SP3: variants seen among roughly 807,000 people sequenced by gnomAD.
SP3 encodes the protein transcription factor Sp3.
In SP3, 10 loss-of-function variants were observed where a neutral mutation model predicts 70.3. The ratio of observed to expected loss-of-function variants is 0.14; its 90% CI spans 0.09 to 0.24. The LOEUF (loss-of-function observed/expected upper bound fraction) is 0.24, where lower values mean the gene tolerates loss of function less well. Ranked by LOEUF, SP3 falls within the 10% of genes least tolerant of loss-of-function variation. The pLI is 1.00. For missense variants in SP3, 825 were observed against 914.6 expected, an observed-to-expected ratio of 0.90 and a Z score of 1.26; for synonymous variants, 402 against 333.5, an observed-to-expected ratio of 1.21 and a Z score of -2.24.
intron 4 of SP3, among the ~76,000 whole-genome samples, chr2:173,943,610 C>T (rs1038803618): frequency 6.6e-6 from 1 of 152,160 alleles, no homozygotes; most frequent in Admixed American, 6.6e-5. Context: ...GAATTAAAGG[C>T]ATGAACCACT....
At chr2:173,949,727 A>T (rs1690660637) in intron 4 of SP3, among the ~76,000 whole-genome samples, 1 of 152,200 alleles carries the variant, frequency 6.6e-6, no homozygotes, top group Non-Finnish European at 1.5e-5. Context: ...CTACCAGTTA[A>T]CCTGCAACTA....
intron 4 of SP3, among the ~76,000 whole-genome samples, chr2:173,946,427 T>C (rs1480141943): frequency 6.6e-6 from 1 of 152,092 alleles, no homozygotes; most frequent in African/African-American, 2.4e-5. Context: ...TAAAGGCATG[T>C]ACCACCACAC....
Position 173,906,677 on chromosome 2 carries a change from A to C in SP3, c.*3264T>G, listed in dbSNP as rs748237981. 1 of 152,228 alleles carries C rather than the reference A, an allele frequency of 6.6e-6. No individual in the cohort carries two copies. The highest frequency in any genetic ancestry group is 2.4e-5 in the African/African-American group (1 of 41,462). The allele number at this position is 152,228 out of a possible 1,614,324, so 9.4% of individuals were successfully genotyped here. On this transcript the variant is annotated 3_prime_UTR_variant, in exon 7 of 7. Coordinates refer to ENST00000310015, the MANE Select transcript of SP3 (RefSeq NM_003111.5). ...CACAATACAAATTTTTCATAAAACA[A>C]AACTTTTGGGTCTGAGTAGGCAGTA... is the stretch of plus-strand genomic sequence containing the variant.
intron 4 of SP3, among the ~76,000 whole-genome samples, chr2:173,936,608 A>C (rs1690217664): frequency 6.6e-6 from 1 of 152,190 alleles, no homozygotes; most frequent in African/African-American, 2.4e-5. Flanking sequence ...AACCCAATGA[A>C]ATACTAATCA....
In SP3 at chr2:173,964,753, C is replaced by A; in HGVS notation, c.8-200G>T. Reference sequence around the variant, plus strand: ...TGCCCCCGCCCGCCGCTGCCTGTAACCCTCCTCCTCCTCCTCTTTCCCTCC... The same window carrying A: ...TGCCCCCGCCCGCCGCTGCCTGTAAACCTCCTCCTCCTCCTCTTTCCCTCC... On this transcript the variant is annotated intron_variant, in intron 1 of 6. Transcript: ENST00000310015. 2 of 425,212 alleles carry A rather than the reference C, an allele frequency of 4.7e-6. 1 individual carries two copies. The highest frequency in any genetic ancestry group is 8.2e-6 in the Non-Finnish European group (2 of 243,476). 26.3% of individuals were successfully genotyped at this position (425,212 alleles called of 1,614,324 possible). A position where few individuals can be genotyped will look rare whatever the true frequency, so the allele number is the denominator to read the frequency against.
intron 6 of SP3, among the ~76,000 whole-genome samples, chr2:173,911,201 A>C (rs907916802): frequency 2.0e-5 from 3 of 152,158 alleles, no homozygotes; most frequent in Non-Finnish European, 4.4e-5. Context: ...ATTTTATTAC[A>C]TCAGAAAACT....
intron 4 of SP3, among the ~76,000 whole-genome samples, chr2:173,930,609 T>A (rs1559097134): frequency 6.6e-6 from 1 of 152,228 alleles, no homozygotes; most frequent in Non-Finnish European, 1.5e-5. Flanking sequence ...CCCAAAAGCT[T>A]CAAATGCATT....
At chr2:173,947,320 C>T (rs903540777) in intron 4 of SP3, among the ~76,000 whole-genome samples, 1 of 152,130 alleles carries the variant, frequency 6.6e-6, no homozygotes, top group Non-Finnish European at 1.5e-5. Flanking sequence ...CGTTCATTAT[C>T]TCTGTGTGGT....
At chr2:173,933,510 T>C (rs932472616) in intron 4 of SP3, among the ~76,000 whole-genome samples, 2 of 151,660 alleles carry the variant, frequency 1.3e-5, no homozygotes, top group Admixed American at 1.3e-4. Flanking sequence ...TCAATGTTAA[T>C]GGATCAATCA....
upstream of SP3, chr2:173,965,450 C>T (rs1416011663): frequency 1.9e-5 from 8 of 422,644 alleles, no homozygotes; most frequent in Non-Finnish European, 3.4e-5. Flanking sequence ...CTCATTGGTC[C>T]AGGCGCCTGT....
intron 4 of SP3, among the ~76,000 whole-genome samples, chr2:173,922,557 G>C (rs1382541620): frequency 6.6e-6 from 1 of 151,828 alleles, no homozygotes; most frequent in African/African-American, 2.4e-5. Flanking sequence ...ATGTAGACAG[G>C]AGGAAACCCT....
intron 4 of SP3, among the ~76,000 whole-genome samples, chr2:173,926,783 T>A (rs769270218): frequency 6.6e-6 from 1 of 152,190 alleles, no homozygotes; most frequent in African/African-American, 2.4e-5. Context: ...TTAAATTGAA[T>A]GGCTTGAAGT....
At chr2:173,963,503 TCCTCTACCC>T (rs1463582075) in intron 3 of SP3, 1 of 153,910 alleles carries the variant, frequency 6.5e-6, no homozygotes. Flanking sequence ...CATTTTGGAG[TCCTCTACCC>T]CCGCCCTCTC....
Position 173,909,048 on chromosome 2 carries a change from G to A in SP3, c.*893C>T, listed in dbSNP as rs1689404621. The A allele has an allele frequency of 6.6e-6, 1 of 152,418 alleles. No homozygotes were observed. The highest frequency in any genetic ancestry group is 1.5e-5 in the Non-Finnish European group (1 of 67,924). 9.4% of individuals were successfully genotyped at this position (152,418 alleles called of 1,614,324 possible). On this transcript the variant is annotated 3_prime_UTR_variant, in exon 7 of 7. Coordinates refer to ENST00000310015, the MANE Select transcript of SP3 (RefSeq NM_003111.5). ...GTTACACTTTACTGGTAATTTACAT[G>A]ATGGCTTTTAAGGCCCTGGGAGACA...
Position 173,956,095 on chromosome 2 carries a change from A to G in SP3, c.417T>C (p.Tyr139=), listed in dbSNP as rs1234294949. ...IPSAATSSGQ[Y]VLPLQNLQNQ... ...TCTGCAAATTCTGAAGGGGAAGAACATACTGCCCACTTGAAGTAGCAGCAC... is the reference window on the plus strand; with the variant it reads ...TCTGCAAATTCTGAAGGGGAAGAACGTACTGCCCACTTGAAGTAGCAGCAC... The change falls in exon 4 of 7, where the codon TAT becomes TAC. Residue 139 remains tyrosine (Y), a synonymous_variant. Coordinates refer to ENST00000310015, the MANE Select transcript of SP3 (RefSeq NM_003111.5). 1.2e-6 allele frequency: 2 copies of G among 1,614,186 alleles called. No individual in the cohort carries two copies. Among genetic ancestry groups the G allele is most frequent in the East Asian group, 2.2e-5 (1 of 44,888 alleles).
At chr2:173,948,449 C>T (rs1690609921) in intron 4 of SP3, among the ~76,000 whole-genome samples, 1 of 152,058 alleles carries the variant, frequency 6.6e-6, no homozygotes, top group Non-Finnish European at 1.5e-5. Flanking sequence ...ATAGTAAAAA[C>T]CATAGTGTAT....
intron 5 of SP3, 176 bp from the exon 6 acceptor site, chr2:173,913,442 A>G (rs1345480132): frequency 4.6e-6 from 2 of 432,602 alleles, no homozygotes; most frequent in African/African-American, 2.0e-5. Flanking sequence ...TATTTCAAGC[A>G]TATACATTTT....
intron 4 of SP3, among the ~76,000 whole-genome samples, chr2:173,946,461 T>C (rs1690540784): frequency 6.6e-6 from 1 of 151,192 alleles, no homozygotes; most frequent in African/African-American, 2.4e-5. Context: ...ATCAATTTTT[T>C]AAATCCATTT....
chr2:173,928,136 G>A (rs1416848698), intron 4 of SP3, among the ~76,000 whole-genome samples: 1 of 152,050 alleles, frequency 6.6e-6, no homozygotes, highest in Non-Finnish European at 1.5e-5. Context: ...GAAAGCAGTC[G>A]GAATTGTTAA....
Sources: gnomAD v4.1 joint callset for allele counts (sites outside exome capture counted in the v4.1 genomes callset) on GRCh38, gnomAD v4.1.1 for gene constraint, MANE v1.5 for transcripts, NCBI Gene and HGNC (gene_info 2026-07-23, HGNC 2026-07-21) for gene names.